Variants in TET2 observed in about 807,000 individuals in gnomAD.
TET2 encodes methylcytosine dioxygenase TET2.
In TET2, 299 loss-of-function variants were observed where a neutral mutation model predicts 142.9. The observed-to-expected ratio is 2.09, with a 90% confidence interval of 1.90 to 2.30. The LOEUF is 2.30. Among genes scored for constraint, TET2 ranks in the 30% most tolerant of loss-of-function variants. The probability of loss-of-function intolerance (pLI) is 0.00; values close to 1 mark genes in which losing one functional copy is unlikely to be tolerated. For missense variants in TET2, 2,418 were observed against 2,378.0 expected (o/e 1.02, Z -0.35); for synonymous variants, 819 against 849.0 (o/e 0.96, Z 0.61).
At chr4:105,245,293 T>C (rs963439160) in intron 6 of TET2, among the ~76,000 whole-genome samples, 30 of 152,150 alleles carry the variant, frequency 2.0e-4, no homozygotes, top group African/African-American at 7.0e-4. Context: ...ATTCATAACA[T>C]GTAACTTATA....
chr4:105,161,615 T>G (rs1033994013), intron 1 of TET2, among the ~76,000 whole-genome samples: 1 of 152,228 alleles, frequency 6.6e-6, no homozygotes, highest in African/African-American at 2.4e-5. Context: ...GGACCTTTGT[T>G]TCACAGTAAA....
intron 7 of TET2, among the ~76,000 whole-genome samples, chr4:105,260,825 G>A (rs1013182131): frequency 6.6e-6 from 1 of 152,042 alleles, no homozygotes; most frequent in Non-Finnish European, 1.5e-5. Context: ...ACAAGAATAT[G>A]AATATTAATA....
Position 105,269,749 on chromosome 4 carries a change from T to G in TET2, c.4182+2T>G, listed in dbSNP as rs1730862341. 6.4e-7 allele frequency: 1 copy of G among 1,551,304 alleles called. No individual in the cohort carries two copies. The highest frequency in any genetic ancestry group is 8.7e-7 in the Non-Finnish European group (1 of 1,146,880). ...AACATGCAGAATGGCAGCACATTGG[T>G]AAGTTGGGCTGAGGACAGCTTAGCA... On this transcript the variant is annotated splice_donor_variant, in intron 9 of 10. Coordinates refer to ENST00000380013, the MANE Select transcript of TET2 (RefSeq NM_001127208.3). LOFTEE classifies it high-confidence loss of function.
intron 4 of TET2, 180 bp from the exon 5 acceptor site, chr4:105,242,654 C>G: frequency 7.4e-7 from 1 of 1,348,148 alleles, no homozygotes; most frequent in Non-Finnish European, 9.5e-7. Context: ...TGAGGAAAAA[C>G]AAGGCTTAAA....
intron 2 of TET2, 32 bp from the exon 3 acceptor site, chr4:105,233,865 C>G: frequency 1.7e-6 from 2 of 1,143,336 alleles, no homozygotes; most frequent in African/African-American, 1.6e-5. Flanking sequence ...TAGAAATAAA[C>G]ACATTTTAAT....
At chr4:105,174,488 A>G (rs1314924294) in intron 1 of TET2, among the ~76,000 whole-genome samples, 2 of 152,266 alleles carry the variant, frequency 1.3e-5, no homozygotes, top group African/African-American at 4.8e-5. Flanking sequence ...ATGAGATTAT[A>G]GGGCAAACCA....
intron 2 of TET2, among the ~76,000 whole-genome samples, chr4:105,225,024 G>A (rs1487828137): frequency 2.6e-5 from 4 of 151,772 alleles, no homozygotes; most frequent in Non-Finnish European, 5.9e-5. Flanking sequence ...TGTCATTTAG[G>A]CAAATGATAA....
rs2110221207 is a variant in TET2 at position 105,234,400 on chromosome 4, C to A, written c.458C>A (p.Ser153Tyr). 1.2e-6 allele frequency: 2 copies of A among 1,614,030 alleles called. No homozygotes were observed. Among genetic ancestry groups the A allele is most frequent in the Non-Finnish European group, 1.7e-6 (2 of 1,179,998 alleles). ...AGTGATAAGAAAGAATCTGTGAGTT[C>A]TGTAGCCCAAGAAAATGCAGTTAAA... ...DLSDKKESVS[S>Y]VAQENAVKDF... The change falls in exon 3 of 11, where the codon TCT becomes TAT. Residue 153 changes from serine to tyrosine, a missense_variant. By Grantham distance (144) the Ser-to-Tyr change is moderately radical (BLOSUM62 -2). Coordinates refer to ENST00000380013, the MANE Select transcript of TET2 (RefSeq NM_001127208.3).
At position 105,209,061 on chromosome 4, in the gene TET2, A is replaced by G. The variant is rs1378495514; in HGVS notation, c.-47+18556A>G. On this transcript the variant is annotated intron_variant, in intron 2 of 10. Transcript: ENST00000380013. ...GCCTCAAGGCATGGTATATATATAT[A>G]TATATATATATATATATATATATAT... Among the ~76,000 whole-genome samples the G allele has an allele frequency of 1.3e-4, 9 of 71,244 alleles. No homozygotes were observed. In the East Asian group the frequency reaches 2.9e-3, roughly 23 times the overall value. 46.7% of individuals were successfully genotyped at this position (71,244 alleles called of 152,430 possible). A position where few individuals can be genotyped will look rare whatever the true frequency, so the allele number is the denominator to read the frequency against.
chr4:105,171,802 C>G (rs1724482986), intron 1 of TET2: 1 of 152,188 alleles, frequency 6.6e-6, no homozygotes, highest in South Asian at 2.1e-4. Flanking sequence ...ACAGACTATT[C>G]TCTTTCTTCC....
At position 105,190,466 on chromosome 4, in the gene TET2, G is replaced by C. The variant is rs1725719877; in HGVS notation, c.-86G>C. ...GAGATGGGCTCAGCAGCAGCCAATA[G>C]GACATGATCCAGGAAGAGCAGTAAG... On this transcript the variant is annotated 5_prime_UTR_variant, in exon 2 of 11. Transcript: ENST00000380013. 2.8e-6 allele frequency: 2 copies of C among 702,090 alleles called. No homozygotes were observed. Among genetic ancestry groups the C allele is most frequent in the African/African-American group, 3.5e-5 (2 of 57,338 alleles). The allele number at this position is 702,090 out of a possible 1,614,324, so 43.5% of individuals were successfully genotyped here.
chr4:105,219,801 T>C (rs1018568789), intron 2 of TET2, among the ~76,000 whole-genome samples: 4 of 152,130 alleles, frequency 2.6e-5, no homozygotes, highest in African/African-American at 4.8e-5. Flanking sequence ...GATCTCACTA[T>C]CTTAATGAGA....
At chr4:105,200,677 T>TTTTTC (rs2110510851) in intron 2 of TET2, among the ~76,000 whole-genome samples, 1 of 122,428 alleles carries the variant, frequency 8.2e-6, no homozygotes, top group African/African-American at 2.7e-5. Flanking sequence ...TTTTGTTTTT[T>TTTTTC]TGGAGATGGA....
intron 1 of TET2, among the ~76,000 whole-genome samples, chr4:105,172,206 CACTGTCA>C (rs1724510403): frequency 6.6e-6 from 1 of 152,144 alleles, no homozygotes; most frequent in South Asian, 2.1e-4. Flanking sequence ...CAACCCCCTG[CACTGTCA>C]AAAATCCACA....
chr4:105,275,265 T>C lies in TET2; in HGVS notation c.4755T>C (p.Thr1585=). ...PVSPYPNSSH[T]SDIYGSTSPM... is the part of the protein sequence containing the mutation. Reference sequence around the variant, plus strand: ...GTCCTTATCCAAACTCTTCACACACTTCAGATATCTATGGAAGCACCAGCC... The same window carrying C: ...GTCCTTATCCAAACTCTTCACACACCTCAGATATCTATGGAAGCACCAGCC... The change falls in exon 11 of 11, where the codon ACT becomes ACC. Residue 1585 remains threonine (T), a synonymous_variant. Coordinates refer to ENST00000380013, the MANE Select transcript of TET2 (RefSeq NM_001127208.3). 6.4e-7 allele frequency: 1 copy of C among 1,552,296 alleles called. No individual in the cohort carries two copies. Among genetic ancestry groups the C allele is most frequent in the Non-Finnish European group, 8.7e-7 (1 of 1,147,106 alleles).
At position 105,236,761 on chromosome 4, in the gene TET2, C is replaced by T. The variant is rs1728950128; in HGVS notation, c.2819C>T (p.Thr940Ile). The change falls in exon 3 of 11, where the codon ACC becomes ATC. Residue 940 changes from threonine (T) to isoleucine (I), a missense_variant. Physicochemically the swap from Thr to Ile is moderately conservative, Grantham distance 89. Coordinates refer to ENST00000380013, the MANE Select transcript of TET2 (RefSeq NM_001127208.3). ...GACCAGGGAGGAAGTCACACTCAGA[C>T]CCCTCCCCAGAAGGACACTCAAAAG... ...VPDQGGSHTQ[T>I]PPQKDTQKHA... is the part of the protein sequence containing the mutation. 1 of 1,614,088 alleles carries T rather than the reference C, an allele frequency of 6.2e-7. No individual in the cohort carries two copies. The highest frequency in any genetic ancestry group is 8.5e-7 in the Non-Finnish European group (1 of 1,179,984).
At chr4:105,195,688 A>G (rs869248309) in intron 2 of TET2, among the ~76,000 whole-genome samples, 3 of 152,108 alleles carry the variant, frequency 2.0e-5, no homozygotes, top group Non-Finnish European at 4.4e-5. Flanking sequence ...TAATCTGTAC[A>G]TGTTCATTAC....
chr4:105,237,555 T>C (rs1729030162), intron 3 of TET2: 1 of 1,524,300 alleles, frequency 6.6e-7, no homozygotes. Context: ...ATGCAGTTTT[T>C]CCAAAAGAAT....
intron 2 of TET2, among the ~76,000 whole-genome samples, chr4:105,192,692 C>T (rs1239736299): frequency 2.0e-5 from 3 of 152,034 alleles, no homozygotes; most frequent in Non-Finnish European, 4.4e-5. Context: ...GAGTAAGAGG[C>T]AAAAATCTCT....
Sources: gnomAD v4.1 joint callset for allele counts (sites outside exome capture counted in the v4.1 genomes callset) on GRCh38, gnomAD v4.1.1 for gene constraint, MANE v1.5 for transcripts, NCBI Gene and HGNC (gene_info 2026-07-23, HGNC 2026-07-21) for gene names.